CFAP95: variants seen among roughly 807,000 people sequenced by gnomAD.
CFAP95 encodes the protein cilia and flagella associated protein 95.
chr9:69,839,461 C>T, the CFAP95 span, among the ~76,000 whole-genome samples: 2,005 of 152,180 alleles, frequency 0.013, 47 homozygotes, highest in African/African-American at 0.046. Flanking sequence ...AGTCTCACTT[C>T]GTCACCCAGG....
At chr9:69,888,693 T>C in the CFAP95 span, among the ~76,000 whole-genome samples, 1 of 152,144 alleles carries the variant, frequency 6.6e-6, no homozygotes, top group African/African-American at 2.4e-5. Context: ...CTGGCCAATG[T>C]GGCGAAACCT....
the CFAP95 span, among the ~76,000 whole-genome samples, chr9:69,863,776 T>C: frequency 0.027 from 4,186 of 152,238 alleles, 190 homozygotes; most frequent in African/African-American, 0.094. Flanking sequence ...GTAATAGATA[T>C]AATTTTATGT....
At chr9:69,824,862 A>G in the CFAP95 span, among the ~76,000 whole-genome samples, 6 of 152,200 alleles carry the variant, frequency 3.9e-5, no homozygotes, top group Admixed American at 2.0e-4. Flanking sequence ...GTATTTGCTA[A>G]TTGAGTGTTT....
chr9:69,851,823 G>T, the CFAP95 span, among the ~76,000 whole-genome samples: 2 of 150,802 alleles, frequency 1.3e-5, no homozygotes, highest in Non-Finnish European at 1.5e-5. Flanking sequence ...AGCTATGATT[G>T]TGCCACTACA....
chr9:69,895,335 GTCTCTC>G, the CFAP95 span, among the ~76,000 whole-genome samples: 25,599 of 120,570 alleles, frequency 0.21, 3,077 homozygotes, highest in Non-Finnish European at 0.26. Flanking sequence ...CTTAAAATCA[GTCTCTC>G]TCTCTCTCTC....
At chr9:69,871,584 A>G in the CFAP95 span, among the ~76,000 whole-genome samples, 4,163 of 152,092 alleles carry the variant, frequency 0.027, 190 homozygotes, top group African/African-American at 0.094. Context: ...TAAAAAAAAA[A>G]AAAAGAGGCA....
the CFAP95 span, among the ~76,000 whole-genome samples, chr9:69,859,415 TA>T: frequency 6.6e-6 from 1 of 152,190 alleles, no homozygotes; most frequent in Non-Finnish European, 1.5e-5. Flanking sequence ...GTTTTAATGA[TA>T]GCTTTAAAAT....
the CFAP95 span, among the ~76,000 whole-genome samples, chr9:69,877,428 C>T: frequency 6.6e-6 from 1 of 152,192 alleles, no homozygotes; most frequent in Admixed American, 6.5e-5. Context: ...ATCATTATAT[C>T]CACCATTCCA....
the CFAP95 span, chr9:69,887,000 T>C: frequency 1.3e-6 from 1 of 794,888 alleles, no homozygotes; most frequent in East Asian, 2.6e-5. Context: ...CTAAAGCTTA[T>C]GATATTTTAC....
chr9:69,868,340 C>A, the CFAP95 span, among the ~76,000 whole-genome samples: 11 of 108,304 alleles, frequency 1.0e-4, no homozygotes, highest in African/African-American at 3.7e-4. Context: ...AAAAATGAGA[C>A]TACATCAAAC....
At chr9:69,902,679 G>GTT in the CFAP95 span, among the ~76,000 whole-genome samples, 1 of 145,052 alleles carries the variant, frequency 6.9e-6, no homozygotes, top group African/African-American at 2.5e-5. Flanking sequence ...TGGTATACCT[G>GTT]TTTTTTTTTT....
the CFAP95 span, chr9:69,902,218 C>T: frequency 2.4e-6 from 1 of 410,640 alleles, no homozygotes; most frequent in South Asian, 1.8e-5. Flanking sequence ...CTTTCCCTTC[C>T]CCTTTGTTTT....
chr9:69,880,240 C>G, the CFAP95 span, among the ~76,000 whole-genome samples: 1 of 152,020 alleles, frequency 6.6e-6, no homozygotes, highest in East Asian at 1.9e-4. Context: ...CTTACTCATT[C>G]TCTCTATTAT....
At chr9:69,895,078 A>G in the CFAP95 span, among the ~76,000 whole-genome samples, 1 of 151,988 alleles carries the variant, frequency 6.6e-6, no homozygotes, top group African/African-American at 2.4e-5. Flanking sequence ...TTTGCCCTGT[A>G]GTTTAGTCAA....
At chr9:69,839,620 G>T in the CFAP95 span, among the ~76,000 whole-genome samples, 3 of 151,412 alleles carry the variant, frequency 2.0e-5, no homozygotes, top group Non-Finnish European at 4.4e-5. Context: ...TAGAGACGGG[G>T]TTTCACCATG....
the CFAP95 span, among the ~76,000 whole-genome samples, chr9:69,858,708 C>G: frequency 0.012 from 1,768 of 152,296 alleles, 33 homozygotes; most frequent in African/African-American, 0.04. Flanking sequence ...GAACCTAACC[C>G]TATATTTCCA....
the CFAP95 span, among the ~76,000 whole-genome samples, chr9:69,894,504 C>T: frequency 6.6e-6 from 1 of 152,276 alleles, no homozygotes; most frequent in South Asian, 2.1e-4. Context: ...CACTTATTGT[C>T]TACCATGTTC....
the CFAP95 span, among the ~76,000 whole-genome samples, chr9:69,830,434 T>C: frequency 6.6e-6 from 1 of 152,128 alleles, no homozygotes; most frequent in African/African-American, 2.4e-5. Context: ...ACAGCAAAAG[T>C]CTAGAACATA....
chr9:69,906,213 G>T, the CFAP95 span: 1 of 1,220,084 alleles, frequency 8.2e-7, no homozygotes, highest in Non-Finnish European at 1.1e-6. Flanking sequence ...CTTAATAAAT[G>T]CAATGGAAGT....
Sources: allele counts gnomAD v4.1 joint callset (sites outside exome capture counted in the v4.1 genomes callset), GRCh38; gene constraint gnomAD v4.1.1; transcripts MANE v1.5; gene names NCBI Gene and HGNC (gene_info 2026-07-23, HGNC 2026-07-21).